Variants in PLSCR2 observed in about 807,000 individuals in gnomAD.
PLSCR2 encodes the protein PL scramblase 2.
Under a neutral mutation model 25.3 loss-of-function variants are expected in PLSCR2, and 18 were observed. The observed-to-expected ratio is 0.71, with a 90% confidence interval of 0.49 to 1.06. PLSCR2 has a LOEUF of 1.06. Ranked by LOEUF, PLSCR2 falls within the 50% of genes least tolerant of loss-of-function variation. The pLI is 0.00. For synonymous variants in PLSCR2, 88 were observed against 87.3 expected (o/e 1.01, Z -0.04); for missense variants, 243 against 269.5 (o/e 0.90, Z 0.69).
At chr3:146,455,708 A>G (rs1358934637) in intron 3 of PLSCR2, among the ~76,000 whole-genome samples, 1 of 152,210 alleles carries the variant, frequency 6.6e-6, no homozygotes, top group Non-Finnish European at 1.5e-5. Flanking sequence ...TCCTAATCCC[A>G]TAGGCTCCTG....
At chr3:146,395,923 T>TA in intron 2 of PLSCR2, 1 of 328,276 alleles carries the variant, frequency 3.0e-6, no homozygotes, top group Admixed American at 4.1e-5. Context: ...AGTCAATAAC[T>TA]AAAATGGAAA....
intron 6 of PLSCR2, among the ~76,000 whole-genome samples, chr3:146,448,941 C>A (rs1469002916): frequency 6.6e-6 from 1 of 152,010 alleles, no homozygotes; most frequent in African/African-American, 2.4e-5. Context: ...TTTTTAATAA[C>A]CCTACCCCAA....
downstream of PLSCR2, among the ~76,000 whole-genome samples, chr3:146,438,475 A>G (rs1454851803): frequency 6.6e-6 from 1 of 152,232 alleles, no homozygotes; most frequent in African/African-American, 2.4e-5. Context: ...GGATGCATAT[A>G]TATTTAGGAT....
chr3:146,473,013 T>A (rs968222838), intron 1 of PLSCR2, among the ~76,000 whole-genome samples: 3 of 152,168 alleles, frequency 2.0e-5, no homozygotes, highest in African/African-American at 7.2e-5. Context: ...ATCATAGAAT[T>A]TTTAACCTTT....
At chr3:146,422,207 T>A (rs2039176457) in intron 2 of PLSCR2, among the ~76,000 whole-genome samples, 1 of 152,084 alleles carries the variant, frequency 6.6e-6, no homozygotes, top group Admixed American at 6.6e-5. Flanking sequence ...TGTGATCTGG[T>A]ATGAGTAATA....
downstream of PLSCR2, among the ~76,000 whole-genome samples, chr3:146,432,369 C>A (rs185581956): frequency 1.3e-5 from 2 of 152,224 alleles, no homozygotes; most frequent in Admixed American, 6.5e-5. Flanking sequence ...TCAAAACAAG[C>A]CCAGTTGATT....
At chr3:146,466,702 A>T (rs1221295708) in intron 1 of PLSCR2, among the ~76,000 whole-genome samples, 1 of 152,186 alleles carries the variant, frequency 6.6e-6, no homozygotes, top group East Asian at 1.9e-4. Flanking sequence ...TTTCTTCTTC[A>T]TAAATGAGAA....
At chr3:146,470,819 T>C (rs915017939) in intron 1 of PLSCR2, among the ~76,000 whole-genome samples, 53 of 152,338 alleles carry the variant, frequency 3.5e-4, no homozygotes, top group Non-Finnish European at 7.1e-4. Context: ...TCTTTTTTAC[T>C]TCCTGTGCCT....
At chr3:146,414,662 T>C (rs2038956695) in intron 2 of PLSCR2, among the ~76,000 whole-genome samples, 2 of 152,084 alleles carry the variant, frequency 1.3e-5, no homozygotes, top group Non-Finnish European at 2.9e-5. Flanking sequence ...AAAGAAATAC[T>C]CATACTAAGT....
downstream of PLSCR2, among the ~76,000 whole-genome samples, chr3:146,428,646 T>C (rs1247767027): frequency 6.6e-6 from 1 of 152,184 alleles, no homozygotes; most frequent in Non-Finnish European, 1.5e-5. Context: ...GGTTTTAGGG[T>C]ATGAGATTTT....
At chr3:146,495,560 C>G (rs975871390) in intron 1 of PLSCR2, among the ~76,000 whole-genome samples, 1 of 151,668 alleles carries the variant, frequency 6.6e-6, no homozygotes, top group African/African-American at 2.4e-5. Flanking sequence ...GAAATAGACC[C>G]CAGAAAGACC....
downstream of PLSCR2, among the ~76,000 whole-genome samples, chr3:146,439,588 CGTA>C (rs2040108363): frequency 6.6e-6 from 1 of 152,094 alleles, no homozygotes; most frequent in Non-Finnish European, 1.5e-5. Flanking sequence ...GCATGCATCA[CGTA>C]GTTCTTGTGC....
chr3:146,488,714 C>T (rs1254372208), intron 1 of PLSCR2, among the ~76,000 whole-genome samples: 1 of 152,122 alleles, frequency 6.6e-6, no homozygotes, highest in Non-Finnish European at 1.5e-5. Context: ...TGCTTTTACA[C>T]TGTCGGTGGG....
intron 2 of PLSCR2, among the ~76,000 whole-genome samples, chr3:146,415,679 T>G (rs1237625694): frequency 7.2e-5 from 11 of 152,044 alleles, no homozygotes; most frequent in Admixed American, 7.2e-4. Flanking sequence ...TGGCCAATGA[T>G]TACAGACAAC....
intron 1 of PLSCR2, among the ~76,000 whole-genome samples, chr3:146,495,278 G>A (rs1576763924): frequency 6.6e-6 from 1 of 152,096 alleles, no homozygotes; most frequent in East Asian, 1.9e-4. Flanking sequence ...TGTACTGAGT[G>A]GAAGCTCAGA....
chr3:146,442,473 A>G (rs550496979), intron 6 of PLSCR2, among the ~76,000 whole-genome samples: 41 of 152,106 alleles, frequency 2.7e-4, no homozygotes, highest in Non-Finnish European at 5.3e-4. Flanking sequence ...TAAAATTTGT[A>G]TGGAATCACA....
At chr3:146,487,823 CT>C (rs2043400867) in intron 1 of PLSCR2, among the ~76,000 whole-genome samples, 2 of 152,010 alleles carry the variant, frequency 1.3e-5, no homozygotes, top group African/African-American at 4.8e-5. Flanking sequence ...AAAAAAACTG[CT>C]TTAAATTTCA....
intron 6 of PLSCR2, among the ~76,000 whole-genome samples, chr3:146,447,050 TG>T (rs1353708508): frequency 1.3e-5 from 2 of 152,164 alleles, no homozygotes; most frequent in African/African-American, 4.8e-5. Context: ...GGTCAGCTTG[TG>T]GTGAATTATG....
exon 4 of PLSCR2, chr3:146,391,536 T>C (rs980853078): frequency 6.6e-6 from 1 of 152,590 alleles, no homozygotes; most frequent in Non-Finnish European, 1.5e-5. Flanking sequence ...GTAATTCTTA[T>C]GGCCACAGTT....
Sources: allele counts gnomAD v4.1 joint callset (sites outside exome capture counted in the v4.1 genomes callset), GRCh38; gene constraint gnomAD v4.1.1; transcripts MANE v1.5; gene names NCBI Gene and HGNC (gene_info 2026-07-23, HGNC 2026-07-21).